The following RAD51B variants were observed in gnomAD, a reference collection of about 807,000 sequenced individuals.
RAD51B encodes RAD51 paralog B.
Under a neutral mutation model 42.2 loss-of-function variants are expected in RAD51B, and 38 were observed. The ratio of observed to expected loss-of-function variants is 0.90; its 90% CI spans 0.70 to 1.18. RAD51B has a LOEUF of 1.18. Ranked by LOEUF, RAD51B falls within the 50% of genes most tolerant of loss-of-function variation. The pLI is 0.00. For missense variants in RAD51B, 373 were observed against 400.7 expected, an observed-to-expected ratio of 0.93 and a Z score of 0.59; for synonymous variants, 154 against 145.2, an observed-to-expected ratio of 1.06 and a Z score of -0.43.
At chr14:68,587,198 AG>A (rs1356971606) in intron 10 of RAD51B, among the ~76,000 whole-genome samples, 1 of 152,168 alleles carries the variant, frequency 6.6e-6, no homozygotes, top group Admixed American at 6.5e-5. Flanking sequence ...GAGAGTGGTC[AG>A]GGCACTGCAG....
intron 10 of RAD51B, among the ~76,000 whole-genome samples, chr14:68,607,882 C>G (rs1891515285): frequency 6.6e-6 from 1 of 152,156 alleles, no homozygotes; most frequent in African/African-American, 2.4e-5. Flanking sequence ...TACATCGTGC[C>G]CCTTCTCACA....
intron 8 of RAD51B, among the ~76,000 whole-genome samples, chr14:68,381,536 C>A (rs2083478242): frequency 6.6e-6 from 1 of 152,090 alleles, no homozygotes; most frequent in Non-Finnish European, 1.5e-5. Flanking sequence ...ATTAACCAGG[C>A]ATGGTGGCGG....
intron 10 of RAD51B, among the ~76,000 whole-genome samples, chr14:68,644,312 C>T (rs1239960301): frequency 6.6e-6 from 1 of 152,004 alleles, no homozygotes; most frequent in Non-Finnish European, 1.5e-5. Flanking sequence ...CTTTCTGGTG[C>T]CCAGGCAGTG....
intron 10 of RAD51B, among the ~76,000 whole-genome samples, chr14:68,622,762 C>T (rs1400940455): frequency 6.6e-6 from 1 of 150,674 alleles, no homozygotes; most frequent in Admixed American, 6.6e-5. Flanking sequence ...CACGATTCCT[C>T]CTGAGGGCTA....
intron 7 of RAD51B, among the ~76,000 whole-genome samples, chr14:68,245,555 T>C (rs2080478275): frequency 6.6e-6 from 1 of 152,254 alleles, no homozygotes; most frequent in African/African-American, 2.4e-5. Context: ...AGTTACCTTA[T>C]ATCTCTTTTC....
chr14:67,914,828 G>T (rs1367044925), intron 7 of RAD51B, among the ~76,000 whole-genome samples: 1 of 152,198 alleles, frequency 6.6e-6, no homozygotes, highest in African/African-American at 2.4e-5. Flanking sequence ...TCACCAATGT[G>T]CATGTTCCCA....
chr14:67,901,782 A>C (rs1159839665), intron 7 of RAD51B, among the ~76,000 whole-genome samples: 1 of 152,232 alleles, frequency 6.6e-6, no homozygotes, highest in African/African-American at 2.4e-5. Context: ...ATCAAACTGG[A>C]GGCCATTATC....
chr14:68,506,707 G>A (rs751221460), intron 10 of RAD51B, among the ~76,000 whole-genome samples: 1 of 152,198 alleles, frequency 6.6e-6, no homozygotes, highest in Admixed American at 6.5e-5. Context: ...AGGCGGGTGG[G>A]GGGGACAAAG....
chr14:68,380,852 C>T (rs2083464862), intron 8 of RAD51B, among the ~76,000 whole-genome samples: 1 of 152,214 alleles, frequency 6.6e-6, no homozygotes. Context: ...TGTACACCCA[C>T]ATAAGGCAAC....
At chr14:67,925,937 C>T (rs1426454473) in intron 7 of RAD51B, among the ~76,000 whole-genome samples, 3 of 152,178 alleles carry the variant, frequency 2.0e-5, no homozygotes, top group Non-Finnish European at 4.4e-5. Context: ...GCACCAAGAC[C>T]CTGGGCTGCA....
intron 8 of RAD51B, among the ~76,000 whole-genome samples, chr14:68,316,624 C>T (rs1247463900): frequency 6.6e-6 from 1 of 152,134 alleles, no homozygotes; most frequent in East Asian, 1.9e-4. Flanking sequence ...GGCTGTGAGA[C>T]AGAACAACAG....
intron 7 of RAD51B, among the ~76,000 whole-genome samples, chr14:68,165,613 C>T (rs1394100171): frequency 6.6e-6 from 1 of 152,126 alleles, no homozygotes; most frequent in East Asian, 1.9e-4. Context: ...CATTATTTCA[C>T]ACTAGCCAAC....
At chr14:68,169,215 C>T (rs1035856694) in intron 7 of RAD51B, among the ~76,000 whole-genome samples, 1 of 152,058 alleles carries the variant, frequency 6.6e-6, no homozygotes, top group African/African-American at 2.4e-5. Context: ...ATTTGCTACC[C>T]TGGGAGAAGC....
chr14:67,856,470 G>A (rs2139962279), intron 4 of RAD51B, among the ~76,000 whole-genome samples: 1 of 151,982 alleles, frequency 6.6e-6, no homozygotes, highest in African/African-American at 2.4e-5. Context: ...TAATTGTTGA[G>A]CAAACGGAGA....
intron 7 of RAD51B, among the ~76,000 whole-genome samples, chr14:68,088,657 G>C (rs1033222855): frequency 2.8e-5 from 4 of 141,398 alleles, no homozygotes; most frequent in African/African-American, 7.8e-5. Context: ...AGAGAGAGGT[G>C]GGGGGGAGAT....
intron 7 of RAD51B, among the ~76,000 whole-genome samples, chr14:68,217,461 C>T (rs1054055263): frequency 3.3e-5 from 5 of 152,160 alleles, no homozygotes; most frequent in South Asian, 2.1e-4. Flanking sequence ...TTTCATTAGT[C>T]GGTACTCTAT....
downstream of RAD51B, among the ~76,000 whole-genome samples, chr14:68,481,182 G>C (rs141920034): frequency 3.0e-3 from 461 of 152,264 alleles, 3 homozygotes; most frequent in African/African-American, 0.011. Flanking sequence ...CTTGAGATAG[G>C]TGAGGAAAAT....
intron 7 of RAD51B, among the ~76,000 whole-genome samples, chr14:68,165,307 C>T (rs2078725976): frequency 6.6e-6 from 1 of 151,994 alleles, no homozygotes; most frequent in Admixed American, 6.6e-5. Context: ...TACTAGTTAA[C>T]ATTATGTTTA....
intron 3 of RAD51B, among the ~76,000 whole-genome samples, 162 bp downstream of exon 3, chr14:67,825,739 T>A (rs1045034989): frequency 2.0e-5 from 3 of 150,772 alleles, no homozygotes; most frequent in African/African-American, 4.9e-5. Flanking sequence ...CATGTGAAAA[T>A]TTTTTTTTTC....
Sources: allele counts gnomAD v4.1 joint callset (sites outside exome capture counted in the v4.1 genomes callset), GRCh38; gene constraint gnomAD v4.1.1; transcripts MANE v1.5; gene names NCBI Gene and HGNC (gene_info 2026-07-23, HGNC 2026-07-21).